The following ADRA1A variants were observed in gnomAD, a reference collection of about 807,000 sequenced individuals.
The protein encoded by ADRA1A is adrenoceptor alpha 1A, also known as alpha-1A adrenergic receptor.
ADRA1A carries 31 observed loss-of-function variants against 29.6 expected under a neutral mutation model. The ratio of observed to expected loss-of-function variants is 1.05; its 90% CI spans 0.79 to 1.41. The LOEUF (loss-of-function observed/expected upper bound fraction) is 1.41. Among genes scored for constraint, ADRA1A ranks in the 40% most tolerant of loss-of-function variants. ADRA1A has a pLI of 0.00. For synonymous variants in ADRA1A, 311 were observed against 254.3 expected, an observed-to-expected ratio of 1.22 and a Z score of -2.12; for missense variants, 619 against 601.1, an observed-to-expected ratio of 1.03 and a Z score of -0.31.
chr8:26,782,397 C>G (rs933624401), intron 2 of ADRA1A, among the ~76,000 whole-genome samples: 5 of 152,164 alleles, frequency 3.3e-5, no homozygotes, highest in Non-Finnish European at 5.9e-5. Context: ...CTAAGTATAG[C>G]TGGGCAGACC....
intron 2 of ADRA1A, among the ~76,000 whole-genome samples, chr8:26,760,541 A>G (rs1805452598): frequency 6.6e-6 from 1 of 152,196 alleles, no homozygotes; most frequent in South Asian, 2.1e-4. Context: ...CAAGCCAGTC[A>G]TGATACAGGG....
rs2130620114 is a variant in ADRA1A at position 26,825,644 on chromosome 8, C to A, written c.883+38443G>T. Among the ~76,000 whole-genome samples the A allele has an allele frequency of 6.6e-6, 1 of 152,322 alleles. No individual in the cohort carries two copies. The highest frequency in any genetic ancestry group is 2.1e-4 in the South Asian group (1 of 4,824). On this transcript the variant is annotated intron_variant, in intron 2 of 2. Coordinates refer to ENST00000380573, the MANE Select transcript of ADRA1A (RefSeq NM_000680.4). This position sits in a 1 kb window ranked among gnomAD's most constrained non-coding sequence, Gnocchi z 5.7. ...AAAAAGTCTTTTTCAACTATGTCAGCCTTCACAGAGCAACTGTCATTCTTT... is the reference window on the plus strand; with the variant it reads ...AAAAAGTCTTTTTCAACTATGTCAGACTTCACAGAGCAACTGTCATTCTTT...
downstream of ADRA1A, chr8:26,765,960 C>A (rs201813052): frequency 4.5e-6 from 7 of 1,554,952 alleles, no homozygotes; most frequent in South Asian, 1.2e-5. Flanking sequence ...CCAGTTTTCA[C>A]TTAGGAACAA....
rs2130783805 is a variant in ADRA1A at position 26,860,059 on chromosome 8, G to A, written c.883+4028C>T. Among the ~76,000 whole-genome samples, 1 of 152,200 alleles carries A rather than the reference G, an allele frequency of 6.6e-6. No homozygotes were observed. The highest frequency in any genetic ancestry group is 2.4e-5 in the African/African-American group (1 of 41,524). On this transcript the variant is annotated intron_variant, in intron 2 of 2. Coordinates refer to ENST00000380573, the MANE Select transcript of ADRA1A (RefSeq NM_000680.4). This position sits in a 1 kb window ranked among gnomAD's most constrained non-coding sequence, Gnocchi z 4.7. Reference sequence around the variant, plus strand: ...TGGGATTAGAGGCATGAGCCACCGCGCCTGGCACCTCACTAGGATTTAAAA... The same window carrying A: ...TGGGATTAGAGGCATGAGCCACCGCACCTGGCACCTCACTAGGATTTAAAA...
intron 2 of ADRA1A, among the ~76,000 whole-genome samples, chr8:26,847,896 C>T (rs1189811284): frequency 2.0e-5 from 3 of 152,210 alleles, no homozygotes; most frequent in Non-Finnish European, 4.4e-5. Context: ...CGCAGGGTTC[C>T]CTGGCTGCTT....
In ADRA1A at chr8:26,865,118, C is replaced by G; in HGVS notation, c.-149G>C. On this transcript the variant is annotated 5_prime_UTR_variant, in exon 2 of 3. Coordinates refer to ENST00000380573, the MANE Select transcript of ADRA1A (RefSeq NM_000680.4). This position sits in a 1 kb window ranked among gnomAD's most constrained non-coding sequence, Gnocchi z 7.6. ...TTGGCTGGGGGTGAGAGCGCGCGCG[C>G]GGGTGGGAAACAACCCTGGCCAGCC... The G allele has an allele frequency of 3.4e-6, 5 of 1,469,540 alleles. No homozygotes were observed. Among genetic ancestry groups the G allele is most frequent in the Non-Finnish European group, 2.7e-6 (3 of 1,119,034 alleles). The allele number at this position is 1,469,540 out of a possible 1,614,324, so 91.0% of individuals were successfully genotyped here.
chr8:26,842,787 TGTC>T (rs1304589054), intron 2 of ADRA1A, among the ~76,000 whole-genome samples: 2 of 151,882 alleles, frequency 1.3e-5, no homozygotes, highest in Non-Finnish European at 2.9e-5. Flanking sequence ...TCAATAATAT[TGTC>T]CCACCAAGTC....
At chr8:26,853,468 A>G (rs1812779214) in intron 2 of ADRA1A, among the ~76,000 whole-genome samples, 2 of 152,236 alleles carry the variant, frequency 1.3e-5, no homozygotes, top group African/African-American at 4.8e-5. Flanking sequence ...CCTAGAGAAT[A>G]TTAAAATGTA....
chr8:26,842,248 A>T (rs1811866687), intron 2 of ADRA1A, among the ~76,000 whole-genome samples: 1 of 152,318 alleles, frequency 6.6e-6, no homozygotes, highest in South Asian at 2.1e-4. Context: ...TTTTAATTTT[A>T]TCTAATTTCA....
upstream of ADRA1A, chr8:26,867,322 A>G (rs1813968987): frequency 3.0e-6 from 3 of 985,182 alleles, no homozygotes; most frequent in African/African-American, 1.7e-5. Context: ...CTGCTACCGT[A>G]TTACTCTACG....
rs546058329 is a variant in ADRA1A at position 26,749,396 on chromosome 8, A to C, written c.1270-648T>G. ...ATGCAATCCACATATTTGCATGTTCATAGAGCATTTCTGGAAGATGTTCTA... is the reference window on the plus strand; with the variant it reads ...ATGCAATCCACATATTTGCATGTTCCTAGAGCATTTCTGGAAGATGTTCTA... On this transcript the variant is annotated intron_variant, in intron 2 of 2. Transcript: ENST00000380586. Among the ~76,000 whole-genome samples the C allele has an allele frequency of 2.4e-4, 36 of 152,372 alleles. No homozygotes were observed. The East Asian group carries it at 6.9e-3, about 29-fold the overall frequency.
intron 2 of ADRA1A, among the ~76,000 whole-genome samples, chr8:26,858,057 G>T (rs1813175399): frequency 6.6e-6 from 1 of 152,158 alleles, no homozygotes. Context: ...TAAATCCACT[G>T]CCAGCTGTGC....
At chr8:26,757,015 T>C in intron 2 of ADRA1A, 2 of 717,198 alleles carry the variant, frequency 2.8e-6, no homozygotes, top group South Asian at 3.0e-5. Context: ...GAGATGATGC[T>C]TTTGGTCTTC....
intron 2 of ADRA1A, chr8:26,756,939 G>A (rs1044369774): frequency 2.1e-5 from 24 of 1,131,552 alleles, no homozygotes; most frequent in African/African-American, 1.7e-4. Flanking sequence ...TCAGTAGAGC[G>A]GGTTCTCAAG....
rs1274791768 is a variant in ADRA1A at position 26,866,840 on chromosome 8, G to A, written c.-687+96C>T. ...TAAAACCTGGTGGAAAAAGCGGGAG[G>A]CGCTGGGAAAAGTGGGGGTTCCGTC... On this transcript the variant is annotated intron_variant, in intron 1 of 2. Transcript: ENST00000380573. This position sits in a 1 kb window ranked among gnomAD's most constrained non-coding sequence, Gnocchi z 5.7. 11 of 985,070 alleles carry A rather than the reference G, an allele frequency of 1.1e-5. No individual in the cohort carries two copies. The African/African-American group carries it at 1.9e-4, about 17-fold the overall frequency. The allele number at this position is 985,070 out of a possible 1,614,324, so 61.0% of individuals were successfully genotyped here. A position where few individuals can be genotyped will look rare whatever the true frequency, so the allele number is the denominator to read the frequency against.
rs977548564 is a variant in ADRA1A, at chr8:26,864,926, G to A, written c.44C>T (p.Thr15Ile). The A allele has an allele frequency of 6.2e-7, 1 of 1,613,064 alleles. No individual in the cohort carries two copies. Among genetic ancestry groups the A allele is most frequent in the Non-Finnish European group, 8.5e-7 (1 of 1,179,934 alleles). The part of the protein sequence containing the change: ...SGNASDSSNC[T>I]QPPAPVNISK... The stretch of plus-strand genomic sequence containing the variant: ...AATGTTCACCGGTGCCGGCGGTTGG[G>A]TGCAGTTGGAGCTGTCGGAAGCATT... The change falls in exon 2 of 3, where the codon ACC (threonine) becomes ATC (isoleucine). Residue 15 changes from threonine (T) to isoleucine (I), a missense_variant. Thr to Ile is a moderately conservative substitution (Grantham distance 89). Transcript: ENST00000380573. The surrounding 1 kb of genome is among the most constrained non-coding windows in gnomAD (Gnocchi z 8.1).
Position 26,865,742 on chromosome 8 carries a change from A to G in ADRA1A, c.-686-87T>C. 2 of 984,186 alleles carry G rather than the reference A, an allele frequency of 2.0e-6. No homozygotes were observed. The highest frequency in any genetic ancestry group is 2.4e-6 in the Non-Finnish European group (2 of 828,906). The allele number at this position is 984,186 out of a possible 1,614,324, so 61.0% of individuals were successfully genotyped here. ...TGAGCTTGACGGGTTGGGGGACACC[A>G]GTTGGGAGCCGGGTTGGTTCTGCGG... On this transcript the variant is annotated intron_variant, in intron 1 of 2. Transcript: ENST00000380573. The surrounding 1 kb of genome is among the most constrained non-coding windows in gnomAD (Gnocchi z 7.6).
chr8:26,764,175 C>G (rs528835901), downstream of ADRA1A, among the ~76,000 whole-genome samples: 1 of 152,130 alleles, frequency 6.6e-6, no homozygotes, highest in Admixed American at 6.5e-5. Flanking sequence ...ATGCAATGAC[C>G]CACAGGCTGA....
At chr8:26,838,442 A>G (rs529917246) in intron 2 of ADRA1A, among the ~76,000 whole-genome samples, 1 of 152,318 alleles carries the variant, frequency 6.6e-6, no homozygotes, top group African/African-American at 2.4e-5. Flanking sequence ...ATGCTCTCCA[A>G]TAATGCAGGA....
Sources: allele counts gnomAD v4.1 joint callset (sites outside exome capture counted in the v4.1 genomes callset), GRCh38; gene constraint gnomAD v4.1.1; non-coding constraint Gnocchi (gnomAD v3.1); transcripts MANE v1.5; gene names NCBI Gene and HGNC (gene_info 2026-07-23, HGNC 2026-07-21).